KCNE5: variants seen among roughly 807,000 people sequenced by gnomAD.
KCNE5 encodes potassium voltage-gated channel subfamily E regulatory subunit 5.
For missense variants in KCNE5, 131 were observed against 132.9 expected (o/e 0.99, Z 0.07); for synonymous variants, 65 against 62.3 (o/e 1.04, Z -0.20).
chrX:109,624,979 G>A lies in KCNE5; in HGVS notation c.42C>T (p.Ser14=), dbSNP rs763118222. Residue 14 remains serine, a synonymous_variant, in exon 1 of 1, where the codon AGC becomes AGT. Transcript: ENST00000372101. The part of the protein sequence containing the change: ...SESQRLRTLL[S]RLLLELHHRG... Reference sequence around the variant, plus strand: ...GGTGGTGCAGCTCGAGCAACAGGCGGCTCAGAAGGGTTCGCAGCCGCTGGC... The same window carrying A: ...GGTGGTGCAGCTCGAGCAACAGGCGACTCAGAAGGGTTCGCAGCCGCTGGC... 18 of 1,208,450 alleles carry A rather than the reference G, an allele frequency of 1.5e-5. No individual in the cohort carries two copies. In the Middle Eastern group the frequency reaches 3.7e-3, roughly 250 times the overall value.
rs1253266916 is a variant in KCNE5 at position 109,624,645 on chromosome X, GGCGGCGGCCCTCGGCCTGGGAGCCC to G, written c.351_375del (p.Gly118SerfsTer53). On this transcript the variant is annotated frameshift_variant, in exon 1 of 1. Transcript: ENST00000372101. LOFTEE classifies it high-confidence loss of function. ...GCAGGCAGCCCCTCGGAGGCAAGCT[GGCGGCGGCCCTCGGCCTGGGAGCCC>G]GCGGCAGCCTCGGCGTCGGCGGTCA... 3 of 1,151,210 alleles carry G rather than the reference GGCGGCGGCCCTCGGCCTGGGAGCCC, an allele frequency of 2.6e-6. No individual in the cohort carries two copies. The highest frequency in any genetic ancestry group is 6.6e-5 in the East Asian group (2 of 30,488). The allele number at this position is 1,151,210 out of a possible 1,213,427, so 94.9% of individuals were successfully genotyped here.
At position 109,625,035 on chromosome X, in the gene KCNE5, G is replaced by A. The variant is rs72548783; in HGVS notation, c.-15C>T. ...CTGCAGTTCATGGCTTTCGGGGAGT[G>A]ACACGGCGGCTCCAGGACGCTGCTG... On this transcript the variant is annotated 5_prime_UTR_variant, in exon 1 of 1. Coordinates refer to ENST00000372101, the MANE Select transcript of KCNE5 (RefSeq NM_012282.4). The A allele has an allele frequency of 1.0e-5, 12 of 1,179,818 alleles. No homozygotes were observed. The highest frequency in any genetic ancestry group is 1.3e-5 in the Non-Finnish European group (11 of 879,914).
rs1475535240 is a variant in KCNE5 at position 109,624,995 on chromosome X, A to C, written c.26T>G (p.Leu9Arg). The C allele has an allele frequency of 8.3e-7, 1 of 1,202,205 alleles. No homozygotes were observed. The highest frequency in any genetic ancestry group is 1.1e-6 in the Non-Finnish European group (1 of 891,080). Residue 9 changes from leucine (L) to arginine (R), a missense_variant, in exon 1 of 1, where the codon CTG (leucine) becomes CGG (arginine). By Grantham distance (102) the Leu-to-Arg change is moderately radical. Coordinates refer to ENST00000372101, the MANE Select transcript of KCNE5 (RefSeq NM_012282.4). ...CAACAGGCGGCTCAGAAGGGTTCGC[A>C]GCCGCTGGCTCTCGCTGCAGTTCAT... MNCSESQR[L>R]RTLLSRLLLE...
At position 109,624,718 on chromosome X, in the gene KCNE5, G is replaced by C. The variant is rs765270209; in HGVS notation, c.303C>G (p.His101Gln). Residue 101 changes from histidine to glutamine, a missense_variant, in exon 1 of 1, where the codon CAC becomes CAG. Physicochemically the swap from His to Gln is conservative, Grantham distance 24. Transcript: ENST00000372101. ...TCAGGGCGCCTCCCGGGGCCCATTC[G>C]TGCTCGGCGCAAGCCTGGGACGGCT... ...KDEPSQACAE[H>Q]EWAPGGALTA... The C allele has an allele frequency of 8.3e-7, 1 of 1,204,959 alleles. No homozygotes were observed. Among genetic ancestry groups the C allele is most frequent in the East Asian group, 3.0e-5 (1 of 33,429 alleles).
chrX:109,625,033 G>C lies in KCNE5; in HGVS notation c.-13C>G. On this transcript the variant is annotated 5_prime_UTR_variant, in exon 1 of 1. Transcript: ENST00000372101. Reference sequence around the variant, plus strand: ...CGCTGCAGTTCATGGCTTTCGGGGAGTGACACGGCGGCTCCAGGACGCTGC... The same window carrying C: ...CGCTGCAGTTCATGGCTTTCGGGGACTGACACGGCGGCTCCAGGACGCTGC... The C allele has an allele frequency of 8.5e-7, 1 of 1,181,995 alleles. No homozygotes were observed. Among genetic ancestry groups the C allele is most frequent in the Non-Finnish European group, 1.1e-6 (1 of 880,618 alleles).
Position 109,624,900 on chromosome X carries a change from C to A in KCNE5, c.121G>T (p.Val41Phe). The A allele has an allele frequency of 8.3e-7, 1 of 1,211,196 alleles. No individual in the cohort carries two copies. The highest frequency in any genetic ancestry group is 1.1e-6 in the Non-Finnish European group (1 of 895,363). ...AGPRPSMGMG[V>F]VPDPFVGREV... ...CGGCCCACGAAAGGGTCAGGCACGA[C>A]CCCCATGCCCATGCTGGGACGAGGG... The change falls in exon 1 of 1, where the codon GTC becomes TTC. Residue 41 changes from valine (V) to phenylalanine (F), a missense_variant. Val to Phe is a conservative substitution (Grantham distance 50, BLOSUM62 -1). Coordinates refer to ENST00000372101, the MANE Select transcript of KCNE5 (RefSeq NM_012282.4).
chrX:109,625,166 A>G lies in KCNE5; in HGVS notation c.-146T>C. The G allele has an allele frequency of 1.5e-6, 1 of 665,103 alleles. No homozygotes were observed. Among genetic ancestry groups the G allele is most frequent in the Admixed American group, 2.8e-5 (1 of 35,404 alleles). The allele number at this position is 665,103 out of a possible 1,213,427, so 54.8% of individuals were successfully genotyped here. Reference sequence around the variant, plus strand: ...GCACCCAGCTCTCCGGCGAGCGCGCAGTGGCTGGGGGCGCCGACGGCGGGG... The same window carrying G: ...GCACCCAGCTCTCCGGCGAGCGCGCGGTGGCTGGGGGCGCCGACGGCGGGG... On this transcript the variant is annotated 5_prime_UTR_variant, in exon 1 of 1. Transcript: ENST00000372101.
rs17003955 is a variant in KCNE5, at chrX:109,624,924, G to A, written c.97C>T (p.Pro33Ser). 0.14 allele frequency: 166,224 copies of A among 1,193,881 alleles called. 8,816 individuals are homozygous for A. The highest frequency in any genetic ancestry group is 0.16 in the Non-Finnish European group (143,025 of 888,524). ...ACCCCCATGCCCATGCTGGGACGAG[G>A]GCCAGCGCCCAAGCCGCTGGCATTA... Reference protein sequence around the residue: ...RGNASGLGAGPRPSMGMGVVP... With the variant: ...RGNASGLGAGSRPSMGMGVVP... The change falls in exon 1 of 1, where the codon CCT (proline) becomes TCT (serine). Residue 33 changes from proline (P) to serine (S), a missense_variant. Physicochemically the swap from Pro to Ser is moderately conservative, Grantham distance 74. Transcript: ENST00000372101.
chrX:109,624,551 G>C lies in KCNE5; in HGVS notation c.*41C>G. 1 of 1,056,781 alleles carries C rather than the reference G, an allele frequency of 9.5e-7. No individual in the cohort carries two copies. Among genetic ancestry groups the C allele is most frequent in the Non-Finnish European group, 1.2e-6 (1 of 816,007 alleles). The allele number at this position is 1,056,781 out of a possible 1,213,427, so 87.1% of individuals were successfully genotyped here. A position where few individuals can be genotyped will look rare whatever the true frequency, so the allele number is the denominator to read the frequency against. The stretch of plus-strand genomic sequence containing the variant: ...GTGGGAGGCGCGCCCAGGGATGAGC[G>C]AGATGAGGAGGGCGCGAACCAGCAA... On this transcript the variant is annotated 3_prime_UTR_variant, in exon 1 of 1. Transcript: ENST00000372101.
chrX:109,625,053 C>T lies in KCNE5; in HGVS notation c.-33G>A, dbSNP rs1461750387. 1 of 1,163,175 alleles carries T rather than the reference C, an allele frequency of 8.6e-7. No homozygotes were observed. Among genetic ancestry groups the T allele is most frequent in the African/African-American group, 1.8e-5 (1 of 56,453 alleles). On this transcript the variant is annotated 5_prime_UTR_variant, in exon 1 of 1. Transcript: ENST00000372101. Reference sequence around the variant, plus strand: ...GGGGAGTGACACGGCGGCTCCAGGACGCTGCTGACCTTTCCCCCTGGGCGA... The same window carrying T: ...GGGGAGTGACACGGCGGCTCCAGGATGCTGCTGACCTTTCCCCCTGGGCGA...
rs1214781777 is a variant in KCNE5, at chrX:109,624,590, T to G, written c.*2A>C. On this transcript the variant is annotated 3_prime_UTR_variant, in exon 1 of 1. Transcript: ENST00000372101. ...GCGAACCAGCAATCTGGGGCTGTGG[T>G]TTTAGACCCGCTCAGCGCCCTGGGC... 6.3e-5 allele frequency: 70 copies of G among 1,103,845 alleles called. No individual in the cohort carries two copies. Among genetic ancestry groups the G allele is most frequent in the Non-Finnish European group, 8.0e-5 (68 of 848,036 alleles). 91.0% of individuals were successfully genotyped at this position (1,103,845 alleles called of 1,213,427 possible). A position where few individuals can be genotyped will look rare whatever the true frequency, so the allele number is the denominator to read the frequency against.
At position 109,624,565 on chromosome X, in the gene KCNE5, G is replaced by C; in HGVS notation, c.*27C>G. The C allele has an allele frequency of 9.2e-7, 1 of 1,082,919 alleles. No individual in the cohort carries two copies. The highest frequency in any genetic ancestry group is 1.2e-6 in the Non-Finnish European group (1 of 835,320). 89.2% of individuals were successfully genotyped at this position (1,082,919 alleles called of 1,213,427 possible). A position where few individuals can be genotyped will look rare whatever the true frequency, so the allele number is the denominator to read the frequency against. On this transcript the variant is annotated 3_prime_UTR_variant, in exon 1 of 1. Coordinates refer to ENST00000372101, the MANE Select transcript of KCNE5 (RefSeq NM_012282.4). ...CAGGGATGAGCGAGATGAGGAGGGC[G>C]CGAACCAGCAATCTGGGGCTGTGGT...
In KCNE5 at chrX:109,625,138, G is replaced by A. The variant is rs1238166673; in HGVS notation, c.-118C>T. Reference sequence around the variant, plus strand: ...GCAGGGCTCAGCAGCGGAAACAGCGGTAGCACCCAGCTCTCCGGCGAGCGC... The same window carrying A: ...GCAGGGCTCAGCAGCGGAAACAGCGATAGCACCCAGCTCTCCGGCGAGCGC... On this transcript the variant is annotated 5_prime_UTR_variant, in exon 1 of 1. Transcript: ENST00000372101. 1 of 835,350 alleles carries A rather than the reference G, an allele frequency of 1.2e-6. No homozygotes were observed. Among genetic ancestry groups the A allele is most frequent in the Non-Finnish European group, 1.7e-6 (1 of 581,171 alleles). 68.8% of individuals were successfully genotyped at this position (835,350 alleles called of 1,213,427 possible). A position where few individuals can be genotyped will look rare whatever the true frequency, so the allele number is the denominator to read the frequency against.
rs1339440715 is a variant in KCNE5 at position 109,624,942 on chromosome X, T to C, written c.79A>G (p.Ser27Gly). The part of the protein sequence containing the change: ...LLELHHRGNA[S>G]GLGAGPRPSM... ...GGACGAGGGCCAGCGCCCAAGCCGC[T>C]GGCATTACCCCGGTGGTGCAGCTCG... The change falls in exon 1 of 1, where the codon AGC becomes GGC. Residue 27 changes from serine to glycine, a missense_variant. Ser to Gly is a moderately conservative substitution (Grantham distance 56). Transcript: ENST00000372101. 3.6e-5 allele frequency: 44 copies of C among 1,210,177 alleles called. No homozygotes were observed. The highest frequency in any genetic ancestry group is 4.8e-5 in the Non-Finnish European group (43 of 894,939).
Position 109,624,933 on chromosome X carries a change from C to T in KCNE5, c.88G>A (p.Gly30Ser), listed in dbSNP as rs750336805. Residue 30 changes from glycine (G) to serine (S), a missense_variant, in exon 1 of 1, where the codon GGC becomes AGC. Transcript: ENST00000372101. ...CCCATGCTGGGACGAGGGCCAGCGCCCAAGCCGCTGGCATTACCCCGGTGG... is the reference window on the plus strand; with the variant it reads ...CCCATGCTGGGACGAGGGCCAGCGCTCAAGCCGCTGGCATTACCCCGGTGG... Reference protein sequence around the residue: ...LHHRGNASGLGAGPRPSMGMG... With the variant: ...LHHRGNASGLSAGPRPSMGMG... 1 of 1,160,872 alleles carries T rather than the reference C, an allele frequency of 8.6e-7. No homozygotes were observed. Among genetic ancestry groups the T allele is most frequent in the Non-Finnish European group, 1.1e-6 (1 of 875,813 alleles).
rs747777909 is a variant in KCNE5 at position 109,624,953 on chromosome X, C to T, written c.68G>A (p.Arg23Gln). The change falls in exon 1 of 1, where the codon CGG (arginine) becomes CAG (glutamine). Residue 23 changes from arginine (R) to glutamine (Q), a missense_variant. Arg to Gln is a conservative substitution (Grantham distance 43). Coordinates refer to ENST00000372101, the MANE Select transcript of KCNE5 (RefSeq NM_012282.4). ...AGCGCCCAAGCCGCTGGCATTACCC[C>T]GGTGGTGCAGCTCGAGCAACAGGCG... ...LSRLLLELHH[R>Q]GNASGLGAGP... is the part of the protein sequence containing the mutation. The T allele has an allele frequency of 3.1e-5, 38 of 1,209,891 alleles. No individual in the cohort carries two copies. Among genetic ancestry groups the T allele is most frequent in the Non-Finnish European group, 4.1e-5 (37 of 894,736 alleles).
Position 109,624,630 on chromosome X carries a change from C to G in KCNE5, c.391G>C (p.Gly131Arg), listed in dbSNP as rs969431597. The G allele has an allele frequency of 8.8e-7, 1 of 1,142,097 alleles. No homozygotes were observed. The highest frequency in any genetic ancestry group is 1.8e-5 in the African/African-American group (1 of 54,634). The allele number at this position is 1,142,097 out of a possible 1,213,427, so 94.1% of individuals were successfully genotyped here. A position where few individuals can be genotyped will look rare whatever the true frequency, so the allele number is the denominator to read the frequency against. Residue 131 changes from glycine to arginine, a missense_variant, in exon 1 of 1, where the codon GGG (glycine) becomes CGG (arginine). By Grantham distance (125) the Gly-to-Arg change is moderately radical. Transcript: ENST00000372101. ...GCGCCCTGGGCGAGGGCAGGCAGCC[C>G]CTCGGAGGCAAGCTGGCGGCGGCCC... ...AEGRRQLASE[G>R]LPALAQGAER...
rs1689377556 is a variant in KCNE5 at position 109,624,548 on chromosome X, AG to A, written c.*43del. On this transcript the variant is annotated 3_prime_UTR_variant, in exon 1 of 1. Transcript: ENST00000372101. ...AAGGTGGGAGGCGCGCCCAGGGATG[AG>A]CGAGATGAGGAGGGCGCGAACCAGC... 9.6e-7 allele frequency: 1 copy of A among 1,043,838 alleles called. No homozygotes were observed. The highest frequency in any genetic ancestry group is 2.0e-5 in the African/African-American group (1 of 50,646). The allele number at this position is 1,043,838 out of a possible 1,213,427, so 86.0% of individuals were successfully genotyped here.
chrX:109,624,541 A>G lies in KCNE5; in HGVS notation c.*51T>C. On this transcript the variant is annotated 3_prime_UTR_variant, in exon 1 of 1. Coordinates refer to ENST00000372101, the MANE Select transcript of KCNE5 (RefSeq NM_012282.4). ...GGGGTGGAAGGTGGGAGGCGCGCCC[A>G]GGGATGAGCGAGATGAGGAGGGCGC... The G allele has an allele frequency of 7.8e-6, 8 of 1,032,157 alleles. No individual in the cohort carries two copies. In the South Asian group the frequency reaches 1.0e-4, roughly 13 times the overall value. 85.1% of individuals were successfully genotyped at this position (1,032,157 alleles called of 1,213,427 possible).
Sources: allele counts gnomAD v4.1 joint callset, GRCh38; gene constraint gnomAD v4.1.1; transcripts MANE v1.5; gene names NCBI Gene and HGNC (gene_info 2026-07-23, HGNC 2026-07-21).